The following MS4A3 variants were observed in gnomAD, a reference collection of about 807,000 sequenced individuals.
MS4A3 encodes the protein membrane-spanning 4-domains subfamily A member 3.
Under a neutral mutation model 24.7 loss-of-function variants are expected in MS4A3, and 18 were observed. The observed-to-expected ratio is 0.73, with a 90% CI of 0.50 to 1.08. The LOEUF (loss-of-function observed/expected upper bound fraction) is 1.08, where lower values mean the gene tolerates loss of function less well. Among genes scored for constraint, MS4A3 ranks in the 50% least tolerant of loss-of-function variants. MS4A3 has a pLI of 0.00. For synonymous variants in MS4A3, 84 were observed against 95.3 expected (o/e 0.88, Z 0.69); for missense variants, 282 against 251.7 (o/e 1.12, Z -0.82).
At chr11:60,069,231 T>C (rs1339161789) in intron 5 of MS4A3, among the ~76,000 whole-genome samples, 1 of 152,238 alleles carries the variant, frequency 6.6e-6, no homozygotes, top group Non-Finnish European at 1.5e-5. Flanking sequence ...TTGTTCATTT[T>C]TCTAAACTGC....
rs759574530 is a variant in MS4A3, at chr11:60,061,246, T to G, written c.86T>G (p.Leu29Arg). 4 of 1,613,862 alleles carry G rather than the reference T, an allele frequency of 2.5e-6. No individual in the cohort carries two copies. In the African/African-American group the frequency reaches 4.0e-5, roughly 16 times the overall value. Residue 29 changes from leucine to arginine, a missense_variant, in exon 2 of 7, where the codon CTG becomes CGG. Leu to Arg is a moderately radical substitution (Grantham distance 102). Transcript: ENST00000278865. ...TPGSEAGPEE[L>R]NTSVYQPIDG... ...GGCAGTGAGGCGGGACCAGAAGAGC[T>G]GAATACTTCTGTCTACCAGCCCATA...
intron 3 of MS4A3, 154 bp downstream of exon 3, chr11:60,062,759 A>G (rs559220023): frequency 7.0e-5 from 38 of 545,396 alleles, no homozygotes; most frequent in African/African-American, 6.7e-4. Flanking sequence ...GAGACGATAA[A>G]CTCTTTTTTA....
intron 4 of MS4A3, among the ~76,000 whole-genome samples, chr11:60,064,554 T>C (rs755954217): frequency 2.0e-5 from 3 of 152,262 alleles, no homozygotes; most frequent in Non-Finnish European, 4.4e-5. Context: ...GAAAAAGTCT[T>C]CTTGATTTTT....
At chr11:60,063,657 A>T (rs898589476) in intron 3 of MS4A3, among the ~76,000 whole-genome samples, 19 of 152,004 alleles carry the variant, frequency 1.2e-4, no homozygotes, top group Non-Finnish European at 2.8e-4. Context: ...AAAGCTCCTT[A>T]GTTTAATTAG....
In MS4A3 at chr11:60,070,756, T is replaced by G. The variant is rs1299838553; in HGVS notation, c.*523T>G. On this transcript the variant is annotated 3_prime_UTR_variant, in exon 7 of 7. Transcript: ENST00000278865. ...CATTATCATTAAAATAAATTTTCAC[T>G]GTATTTGAGATGGGAGGGTTAAGGC... The G allele has an allele frequency of 6.5e-6, 1 of 152,738 alleles. No homozygotes were observed. The highest frequency in any genetic ancestry group is 1.5e-5 in the Non-Finnish European group (1 of 68,498). 9.5% of individuals were successfully genotyped at this position (152,738 alleles called of 1,614,324 possible). A position where few individuals can be genotyped will look rare whatever the true frequency, so the allele number is the denominator to read the frequency against.
intron 5 of MS4A3, among the ~76,000 whole-genome samples, chr11:60,068,047 T>C (rs1855399635): frequency 6.6e-6 from 1 of 151,702 alleles, no homozygotes. Context: ...AGTGAAACTG[T>C]CTCAAAAAAT....
chr11:60,059,937 G>A (rs1267058791), intron 1 of MS4A3, among the ~76,000 whole-genome samples: 1 of 152,126 alleles, frequency 6.6e-6, no homozygotes, highest in East Asian at 1.9e-4. Flanking sequence ...CATTTTATGT[G>A]TTTGTTTATG....
chr11:60,062,442 C>A lies in MS4A3; in HGVS notation c.157-26C>A, dbSNP rs201176946. ...TGTCCACTTTAGTATATGACTGTTA[C>A]GCCTTTTTCCCCTTTCTTCTTTCAG... On this transcript the variant is annotated intron_variant, in intron 2 of 6. Transcript: ENST00000278865. The A allele has an allele frequency of 3.0e-5, 49 of 1,613,704 alleles. 1 individual carries two copies. The Middle Eastern group carries it at 5.0e-4, about 16-fold the overall frequency.
chr11:60,067,625 C>T (rs72916648), intron 5 of MS4A3, among the ~76,000 whole-genome samples: 4,663 of 152,266 alleles, frequency 0.031, 83 homozygotes, highest in Middle Eastern at 0.078. Flanking sequence ...GTACCCGTCT[C>T]ATAGGATTTA....
chr11:60,064,299 T>G lies in MS4A3; in HGVS notation c.332T>G (p.Ile111Arg), dbSNP rs147428995. The change falls in exon 4 of 7, where the codon ATA becomes AGA. Residue 111 changes from isoleucine to arginine, a missense_variant. Transcript: ENST00000278865. ...SSGTLSVVAG[I>R]KPTRTWIQNS... ...GGAACCTTGTCTGTTGTAGCAGGGA[T>G]AAAACCCACAAGAACATGGGTAAGT... is the stretch of plus-strand genomic sequence containing the variant. The G allele has an allele frequency of 1.2e-6, 2 of 1,604,624 alleles. No individual in the cohort carries two copies. Among genetic ancestry groups the G allele is most frequent in the African/African-American group, 2.7e-5 (2 of 74,540 alleles).
At chr11:60,061,361 T>G in intron 2 of MS4A3, 45 bp downstream of exon 2, 1 of 1,561,544 alleles carries the variant, frequency 6.4e-7, no homozygotes, top group Non-Finnish European at 8.7e-7. Context: ...GGGAAGAAAA[T>G]AAATACAGTT....
chr11:60,059,959 G>A (rs1855245812), intron 1 of MS4A3, among the ~76,000 whole-genome samples: 1 of 152,138 alleles, frequency 6.6e-6, no homozygotes, highest in South Asian at 2.1e-4. Flanking sequence ...TTCATCTCAT[G>A]CCATCTCCCT....
intron 1 of MS4A3, among the ~76,000 whole-genome samples, chr11:60,058,572 C>T (rs1450969342): frequency 7.7e-6 from 1 of 130,288 alleles, no homozygotes; most frequent in Non-Finnish European, 1.6e-5. Context: ...AGAAATTATC[C>T]AGGTGAAGCT....
intron 4 of MS4A3, among the ~76,000 whole-genome samples, chr11:60,065,645 T>A (rs1229261106): frequency 6.6e-6 from 1 of 152,218 alleles, no homozygotes; most frequent in Admixed American, 6.5e-5. Flanking sequence ...AACGGTCAAC[T>A]CTTGTTCCTC....
chr11:60,062,483 A>T lies in MS4A3; in HGVS notation c.172A>T (p.Asn58Tyr), dbSNP rs116267653. Residue 58 changes from asparagine (N) to tyrosine (Y), a missense_variant, in exon 3 of 7, where the codon AAT (asparagine) becomes TAT (tyrosine). Coordinates refer to ENST00000278865, the MANE Select transcript of MS4A3 (RefSeq NM_006138.5). Reference protein sequence around the residue: ...LQVLGAIQILNAAMILALGVF... With the variant: ...LQVLGAIQILYAAMILALGVF... ...CTTCTTTCAGGCCATCCAGATCCTGAATGCAGCAATGATTCTGGCTTTGGG... is the reference window on the plus strand; with the variant it reads ...CTTCTTTCAGGCCATCCAGATCCTGTATGCAGCAATGATTCTGGCTTTGGG... 1.7e-4 allele frequency: 282 copies of T among 1,614,050 alleles called. 1 individual carries two copies. The African/African-American group carries it at 3.3e-3, about 19-fold the overall frequency.
chr11:60,069,056 G>A (rs1855429317), intron 5 of MS4A3, among the ~76,000 whole-genome samples: 1 of 152,070 alleles, frequency 6.6e-6, no homozygotes. Context: ...TTTCCTCCAG[G>A]GATATATTGT....
At chr11:60,061,523 C>A (rs1230752941) in intron 2 of MS4A3, 1 of 662,244 alleles carries the variant, frequency 1.5e-6, no homozygotes. Context: ...GGATGAAGAC[C>A]TTTATGATAA....
chr11:60,066,923 T>C, intron 4 of MS4A3, 28 bp from the exon 5 acceptor site: 1 of 1,541,046 alleles, frequency 6.5e-7, no homozygotes, highest in Non-Finnish European at 8.7e-7. Flanking sequence ...GCTGCATATA[T>C]TAATTGAAAA....
intron 1 of MS4A3, among the ~76,000 whole-genome samples, chr11:60,059,268 A>T (rs2030053991): frequency 6.6e-6 from 1 of 152,184 alleles, no homozygotes; most frequent in African/African-American, 2.4e-5. Flanking sequence ...AGAGTAGAGT[A>T]TCAGAAAGGT....
Sources: allele counts gnomAD v4.1 joint callset (sites outside exome capture counted in the v4.1 genomes callset), GRCh38; gene constraint gnomAD v4.1.1; transcripts MANE v1.5; gene names NCBI Gene and HGNC (gene_info 2026-07-23, HGNC 2026-07-21).